CDK14: variants seen among roughly 807,000 people sequenced by gnomAD.
CDK14 encodes cyclin-dependent kinase 14.
In CDK14, 34 loss-of-function variants were observed where a neutral mutation model predicts 60.7. That is an observed-to-expected ratio of 0.56 (90% confidence interval 0.43 to 0.75). The LOEUF (loss-of-function observed/expected upper bound fraction) is 0.75. Ranked by LOEUF, CDK14 falls within the 30% of genes least tolerant of loss-of-function variation. The pLI, the probability that CDK14 is intolerant of heterozygous loss-of-function variation, is 0.00. For synonymous variants in CDK14, 197 were observed against 203.7 expected (o/e 0.97, Z 0.28); for missense variants, 482 against 564.1 (o/e 0.85, Z 1.47).
chr7:90,940,660 C>T (rs947212330), intron 8 of CDK14, among the ~76,000 whole-genome samples: 1 of 151,946 alleles, frequency 6.6e-6, no homozygotes, highest in African/African-American at 2.4e-5. Context: ...GTAGCATGTG[C>T]CTGTAGTCCC....
rs756632336 is a variant in CDK14 at position 90,773,674 on chromosome 7, A to G, written c.465-16899A>G. 2.0e-5 allele frequency among the ~76,000 whole-genome samples: 3 copies of G among 151,922 alleles called. No homozygotes were observed. In the South Asian group the frequency reaches 6.2e-4, roughly 32 times the overall value. ...GGTGTGAGCCACCTCGCCTGGCTCT[A>G]TTTTTGAATTAAAGACTGTTATCTT... is the stretch of plus-strand genomic sequence containing the variant. On this transcript the variant is annotated intron_variant, in intron 4 of 14. Transcript: ENST00000380050.
intron 10 of CDK14, among the ~76,000 whole-genome samples, chr7:90,995,173 C>T (rs534480070): frequency 3.9e-4 from 60 of 152,288 alleles, no homozygotes; most frequent in African/African-American, 1.2e-3. Flanking sequence ...ATGATTGTTA[C>T]TTCTTGCTCA....
intron 2 of CDK14, among the ~76,000 whole-genome samples, chr7:90,717,913 T>C (rs73220701): frequency 0.16 from 24,266 of 151,952 alleles, 2,059 homozygotes; most frequent in Middle Eastern, 0.26. Context: ...TGAGAAACAG[T>C]GCTCAGCAAA....
chr7:90,903,500 G>A (rs1399892547), intron 7 of CDK14, among the ~76,000 whole-genome samples: 2 of 152,076 alleles, frequency 1.3e-5, no homozygotes, highest in Non-Finnish European at 2.9e-5. Context: ...TTCATATATG[G>A]GAGCTAAAAA....
chr7:91,060,698 T>G (rs1207895992), intron 11 of CDK14, among the ~76,000 whole-genome samples: 3 of 152,192 alleles, frequency 2.0e-5, no homozygotes, highest in African/African-American at 7.2e-5. Flanking sequence ...GTTTGAAAAT[T>G]CTTTTCTTTA....
At position 90,671,359 on chromosome 7, in the gene CDK14, G is replaced by C. The variant is rs752558361; in HGVS notation, c.124-55208G>C. Among the ~76,000 whole-genome samples, 23 of 151,816 alleles carry C rather than the reference G, an allele frequency of 1.5e-4. No homozygotes were observed. The Middle Eastern group carries it at 0.014, about 90-fold the overall frequency. On this transcript the variant is annotated intron_variant, in intron 2 of 14. Transcript: ENST00000380050. The stretch of plus-strand genomic sequence containing the variant: ...CTCCCTTCTGCAACCTTGATAAGAA[G>C]GTTATTTAGGTTCACTGTAGCTTGA...
Position 91,066,428 on chromosome 7 carries a change from A to T in CDK14, c.1106-13004A>T, listed in dbSNP as rs146817445. ...TAGTTTCAGCCTTTCAAGTCCTTTG[A>T]ACATATGTGAAGTTTTTTATTGGTT... On this transcript the variant is annotated intron_variant, in intron 11 of 14. Transcript: ENST00000380050. 1.5e-3 allele frequency among the ~76,000 whole-genome samples: 229 copies of T among 152,294 alleles called. 1 individual carries two copies. Among genetic ancestry groups the T allele is most frequent in the Non-Finnish European group, 2.9e-3 (199 of 68,010 alleles).
chr7:90,656,957 TG>T (rs1417941937), intron 2 of CDK14, among the ~76,000 whole-genome samples: 4 of 152,216 alleles, frequency 2.6e-5, no homozygotes, highest in Non-Finnish European at 5.9e-5. Context: ...CACTGCCTTT[TG>T]AGATTTATGC....
At chr7:91,147,733 TC>T (rs966569715) in intron 14 of CDK14, among the ~76,000 whole-genome samples, 42 of 151,902 alleles carry the variant, frequency 2.8e-4, no homozygotes, top group African/African-American at 8.9e-4. Flanking sequence ...CCAAACTCTT[TC>T]CCCCCTCCCC....
At chr7:90,623,603 A>G (rs1452137137) in intron 2 of CDK14, among the ~76,000 whole-genome samples, 1 of 152,184 alleles carries the variant, frequency 6.6e-6, no homozygotes, top group Non-Finnish European at 1.5e-5. Flanking sequence ...ATATGTAAGT[A>G]TTGTGAATAT....
At chr7:90,885,970 G>T (rs541681295) in intron 6 of CDK14, among the ~76,000 whole-genome samples, 1 of 152,112 alleles carries the variant, frequency 6.6e-6, no homozygotes, top group African/African-American at 2.4e-5. Flanking sequence ...AACCACAATG[G>T]CATACATATA....
chr7:90,981,691 A>T (rs935351514), intron 9 of CDK14, among the ~76,000 whole-genome samples: 3 of 152,192 alleles, frequency 2.0e-5, no homozygotes, highest in African/African-American at 7.2e-5. Flanking sequence ...GGAGTGGAAG[A>T]AGTGTCCCAA....
chr7:90,615,269 TC>T (rs1799628041), intron 2 of CDK14, among the ~76,000 whole-genome samples: 1 of 152,230 alleles, frequency 6.6e-6, no homozygotes, highest in Non-Finnish European at 1.5e-5. Flanking sequence ...AATATCTTTC[TC>T]CAATCTTGCA....
intron 5 of CDK14, among the ~76,000 whole-genome samples, chr7:90,825,329 T>C (rs889809208): frequency 6.6e-6 from 1 of 152,180 alleles, no homozygotes; most frequent in East Asian, 1.9e-4. Context: ...ATGCCTCCAG[T>C]CTAGCAAGTG....
At chr7:90,732,137 T>C (rs1802891101) in intron 3 of CDK14, among the ~76,000 whole-genome samples, 1 of 152,186 alleles carries the variant, frequency 6.6e-6, no homozygotes, top group Non-Finnish European at 1.5e-5. Flanking sequence ...TGTGATGGAT[T>C]ACATTTATTG....
chr7:90,655,141 A>G lies in CDK14; in HGVS notation c.123+50892A>G, dbSNP rs141786012. On this transcript the variant is annotated intron_variant, in intron 2 of 14. Transcript: ENST00000380050. The stretch of plus-strand genomic sequence containing the variant: ...AGCAGTATACACTTAAGGTTCCTCT[A>G]TGTCTTTCCATGGCTTGACAGCTCA... Among the ~76,000 whole-genome samples the G allele has an allele frequency of 1.3e-3, 202 of 152,250 alleles. 1 individual carries two copies. The highest frequency in any genetic ancestry group is 4.6e-3 in the African/African-American group (192 of 41,546).
At chr7:90,799,681 A>C (rs1788561247) in intron 5 of CDK14, among the ~76,000 whole-genome samples, 1 of 129,668 alleles carries the variant, frequency 7.7e-6, no homozygotes, top group African/African-American at 3.1e-5. Flanking sequence ...CAAGAGTGAA[A>C]CTCCATCTCA....
At chr7:90,897,578 A>G (rs1006285989) in intron 6 of CDK14, among the ~76,000 whole-genome samples, 2 of 152,090 alleles carry the variant, frequency 1.3e-5, no homozygotes, top group African/African-American at 2.4e-5. Flanking sequence ...ACTGGCTTCA[A>G]AAACAAATGT....
intron 14 of CDK14, among the ~76,000 whole-genome samples, chr7:91,187,936 G>A (rs1339016358): frequency 6.6e-6 from 1 of 152,210 alleles, no homozygotes; most frequent in African/African-American, 2.4e-5. Flanking sequence ...GGAAGACGGA[G>A]CTGCCATTTT....
Sources: gnomAD v4.1 joint callset for allele counts (sites outside exome capture counted in the v4.1 genomes callset) on GRCh38, gnomAD v4.1.1 for gene constraint, MANE v1.5 for transcripts, NCBI Gene and HGNC (gene_info 2026-07-23, HGNC 2026-07-21) for gene names.